The following NFU1 variants were observed in gnomAD, a reference collection of about 807,000 sequenced individuals.
NFU1 encodes NFU1 iron-sulfur cluster scaffold, also known as NFU1 iron-sulfur cluster scaffold homolog, mitochondrial.
In NFU1, 30 loss-of-function variants were observed where a neutral mutation model predicts 32.2. That is an observed-to-expected ratio of 0.93 (90% CI 0.70 to 1.26). The LOEUF (loss-of-function observed/expected upper bound fraction) is 1.26, where lower values mean the gene tolerates loss of function less well. NFU1 is among the 50% of genes most tolerant of loss of function. NFU1 has a pLI of 0.00. For missense variants in NFU1, 306 were observed against 306.6 expected (o/e 1.00, Z 0.02); for synonymous variants, 112 against 104.6 (o/e 1.07, Z -0.43).
At chr2:69,425,678 G>A (rs996979151) in intron 2 of NFU1, among the ~76,000 whole-genome samples, 2 of 150,626 alleles carry the variant, frequency 1.3e-5, no homozygotes, top group African/African-American at 4.9e-5. Flanking sequence ...TTTAAACTGG[G>A]TTTCACCATG....
chr2:69,404,615 A>ATATATTTTTTTTTTTTTTTTTTT (rs1426118283), intron 6 of NFU1, among the ~76,000 whole-genome samples: 1 of 73,008 alleles, frequency 1.4e-5, no homozygotes, highest in African/African-American at 6.3e-5. Context: ...ATCTTAGCAA[A>ATATATTTTTTTTTTTTTTTTTTT]TTTTTTTTTT....
intron 2 of NFU1, 46 bp from the exon 3 acceptor site, chr2:69,423,763 A>G (rs1295627490): frequency 4.2e-6 from 6 of 1,419,206 alleles, no homozygotes; most frequent in Non-Finnish European, 5.9e-6. Flanking sequence ...AAAACAGTTA[A>G]CAAGTTTATG....
At chr2:69,416,304 ATTATAAT>A (rs1324530578) in intron 4 of NFU1, 1 of 147,980 alleles carries the variant, frequency 6.8e-6, no homozygotes, top group African/African-American at 2.4e-5. Flanking sequence ...TAATAATATA[ATTATAAT>A]TTATAATTAA....
intron 3 of NFU1, among the ~76,000 whole-genome samples, chr2:69,420,427 A>C (rs1673199214): frequency 6.6e-6 from 1 of 152,224 alleles, no homozygotes; most frequent in African/African-American, 2.4e-5. Context: ...TTTAATACAA[A>C]ATATGAACTC....
chr2:69,400,419 T>C lies in NFU1; in HGVS notation c.665A>G (p.Asn222Ser). 1 of 1,614,062 alleles carries C rather than the reference T, an allele frequency of 6.2e-7. No individual in the cohort carries two copies. Among genetic ancestry groups the C allele is most frequent in the Non-Finnish European group, 8.5e-7 (1 of 1,179,910 alleles). Residue 222 changes from asparagine (N) to serine (S), a missense_variant, in exon 7 of 8, where the codon AAT becomes AGT. Coordinates refer to ENST00000410022, the MANE Select transcript of NFU1 (RefSeq NM_001002755.4). ...SCPSSIITLKNGIQNMLQFYI... is the reference protein window; with the variant it reads ...SCPSSIITLKSGIQNMLQFYI... The stretch of plus-strand genomic sequence containing the variant: ...AAACTGCAGCATGTTCTGAATTCCA[T>C]TTTTCAGAGTAATGATTGAACTAGG...
chr2:69,431,889 G>A lies in NFU1; in HGVS notation c.166+13C>T, dbSNP rs778748968. On this transcript the variant is annotated intron_variant, in intron 2 of 7. Transcript: ENST00000410022. The stretch of plus-strand genomic sequence containing the variant: ...TCTGAAACACAACTGCTATAAAAGA[G>A]GTGAAATTTTACCTGGGTGATAAAA... 1.5e-5 allele frequency: 23 copies of A among 1,525,682 alleles called. No individual in the cohort carries two copies. The Admixed American group carries it at 3.8e-4, about 25-fold the overall frequency. 94.5% of individuals were successfully genotyped at this position (1,525,682 alleles called of 1,614,324 possible). A position where few individuals can be genotyped will look rare whatever the true frequency, so the allele number is the denominator to read the frequency against.
chr2:69,422,952 G>T lies in NFU1; in HGVS notation c.302+630C>A, dbSNP rs138232871. Among the ~76,000 whole-genome samples the T allele has an allele frequency of 3.2e-3, 483 of 148,662 alleles. 2 individuals carry two copies. The highest frequency in any genetic ancestry group is 0.011 in the African/African-American group (462 of 40,334). ...TGGTCTCCAACTCCTGAGCTCAAGT[G>T]ATCCCCACCTCCTCAGCCTCCTCAA... On this transcript the variant is annotated intron_variant, in intron 3 of 7. Coordinates refer to ENST00000410022, the MANE Select transcript of NFU1 (RefSeq NM_001002755.4).
chr2:69,399,225 AAAG>A, intron 7 of NFU1: 1 of 319,022 alleles, frequency 3.1e-6, no homozygotes. Flanking sequence ...AAAAAAAAAA[AAAG>A]AATGAATTAC....
intron 5 of NFU1, among the ~76,000 whole-genome samples, chr2:69,412,270 C>T (rs1226029185): frequency 6.6e-6 from 1 of 151,670 alleles, no homozygotes; most frequent in East Asian, 1.9e-4. Flanking sequence ...AGGATGGTCT[C>T]GATCTCTTAA....
At chr2:69,421,213 CAAAA>C in intron 3 of NFU1, among the ~76,000 whole-genome samples, 1 of 150,632 alleles carries the variant, frequency 6.6e-6, no homozygotes, top group African/African-American at 2.4e-5. Context: ...AACCTTATCT[CAAAA>C]AATAAATAAA....
chr2:69,423,160 G>GTT (rs1673305607), intron 3 of NFU1, among the ~76,000 whole-genome samples: 1 of 98,584 alleles, frequency 1.0e-5, no homozygotes, highest in Non-Finnish European at 2.2e-5. Flanking sequence ...GTGTGTGTGT[G>GTT]TGTGTGTATG....
chr2:69,431,586 C>T (rs1324165096), intron 2 of NFU1, among the ~76,000 whole-genome samples: 1 of 152,162 alleles, frequency 6.6e-6, no homozygotes, highest in Non-Finnish European at 1.5e-5. Flanking sequence ...GGATTACAGG[C>T]ATGAGCCACC....
chr2:69,424,190 A>T (rs1006144695), intron 2 of NFU1, among the ~76,000 whole-genome samples: 3 of 135,908 alleles, frequency 2.2e-5, no homozygotes, highest in African/African-American at 8.5e-5. Flanking sequence ...AAAAAAAAAA[A>T]AAAAAAAAAT....
At chr2:69,401,680 CAT>C (rs1296362038) in intron 6 of NFU1, among the ~76,000 whole-genome samples, 1 of 152,084 alleles carries the variant, frequency 6.6e-6, no homozygotes, top group African/African-American at 2.4e-5. Flanking sequence ...TAAATACTGC[CAT>C]ATAGTTTTCC....
chr2:69,438,743 G>A (rs1318922591), upstream of NFU1, among the ~76,000 whole-genome samples: 5 of 152,070 alleles, frequency 3.3e-5, no homozygotes, highest in Non-Finnish European at 5.9e-5. Flanking sequence ...AAGAGGGTGG[G>A]TGGGTTTCAG....
At chr2:69,413,415 G>A (rs1672954263) in intron 5 of NFU1, among the ~76,000 whole-genome samples, 1 of 151,678 alleles carries the variant, frequency 6.6e-6, no homozygotes, top group South Asian at 2.1e-4. Flanking sequence ...GCTAATGTGG[G>A]CTTAATTAGA....
At chr2:69,439,399 G>A (rs189564295), upstream of NFU1, among the ~76,000 whole-genome samples, 1 of 152,202 alleles carries the variant, frequency 6.6e-6, no homozygotes, top group Non-Finnish European at 1.5e-5. Context: ...GTTTCTTCTG[G>A]TGGGTTCGTG....
At chr2:69,415,826 A>C (rs1673031805) in intron 4 of NFU1, among the ~76,000 whole-genome samples, 1 of 151,854 alleles carries the variant, frequency 6.6e-6, no homozygotes, top group South Asian at 2.1e-4. Flanking sequence ...GCCCCCTTAC[A>C]CCTCTTAAGA....
At chr2:69,426,996 G>C (rs1673477942) in intron 2 of NFU1, among the ~76,000 whole-genome samples, 1 of 150,332 alleles carries the variant, frequency 6.7e-6, no homozygotes, top group Non-Finnish European at 1.5e-5. Flanking sequence ...TTGAACCCGG[G>C]TTGCAGTGAG....
Sources: allele counts gnomAD v4.1 joint callset (sites outside exome capture counted in the v4.1 genomes callset), GRCh38; gene constraint gnomAD v4.1.1; transcripts MANE v1.5; gene names NCBI Gene and HGNC (gene_info 2026-07-23, HGNC 2026-07-21).